Variants in LRRTM3 observed in about 807,000 individuals in gnomAD.
The protein encoded by LRRTM3 is leucine-rich repeat transmembrane neuronal protein 3.
In LRRTM3, 24 loss-of-function variants were observed where a neutral mutation model predicts 44.7. That is an observed-to-expected ratio of 0.54 (90% CI 0.39 to 0.76). LRRTM3 has a LOEUF of 0.76. Ranked by LOEUF, LRRTM3 falls within the 30% of genes least tolerant of loss-of-function variation. The probability of loss-of-function intolerance (pLI) is 0.00; values close to 1 mark genes in which losing one functional copy is unlikely to be tolerated. For synonymous variants in LRRTM3, 277 were observed against 278.7 expected (o/e 0.99, Z 0.06); for missense variants, 587 against 702.2 (o/e 0.84, Z 1.85).
chr10:66,932,117 C>A (rs1329517505), intron 2 of LRRTM3, among the ~76,000 whole-genome samples: 2 of 152,114 alleles, frequency 1.3e-5, no homozygotes, highest in Admixed American at 6.6e-5. Context: ...CTCCCTCCCC[C>A]TTTTCAGCCA....
At chr10:67,035,837 C>G (rs1439809765) in intron 2 of LRRTM3, among the ~76,000 whole-genome samples, 1 of 152,126 alleles carries the variant, frequency 6.6e-6, no homozygotes, top group East Asian at 1.9e-4. Context: ...CTGCATTTTA[C>G]AAAGAAACTG....
At chr10:67,064,920 G>A (rs1032852703) in intron 2 of LRRTM3, among the ~76,000 whole-genome samples, 1 of 152,100 alleles carries the variant, frequency 6.6e-6, no homozygotes, top group Non-Finnish European at 1.5e-5. Context: ...GTTATATGAG[G>A]CAAGAAGAAC....
At chr10:67,094,262 T>G (rs899711353) in intron 2 of LRRTM3, among the ~76,000 whole-genome samples, 1 of 151,906 alleles carries the variant, frequency 6.6e-6, no homozygotes, top group African/African-American at 2.4e-5. Flanking sequence ...TAAGAATCAT[T>G]GGGTTCCTAA....
At chr10:67,077,941 T>C (rs1856819094) in intron 2 of LRRTM3, among the ~76,000 whole-genome samples, 1 of 152,204 alleles carries the variant, frequency 6.6e-6, no homozygotes, top group African/African-American at 2.4e-5. Context: ...AGAATATAAG[T>C]GATTTACAAC....
intron 2 of LRRTM3, among the ~76,000 whole-genome samples, chr10:67,026,937 G>T (rs1853427434): frequency 6.6e-6 from 1 of 152,206 alleles, no homozygotes; most frequent in Non-Finnish European, 1.5e-5. Flanking sequence ...TTAGAAGAGG[G>T]ATCATGCCTT....
intron 2 of LRRTM3, among the ~76,000 whole-genome samples, chr10:67,010,403 A>G (rs1852244265): frequency 6.6e-6 from 1 of 152,216 alleles, no homozygotes; most frequent in African/African-American, 2.4e-5. Context: ...TTGAAAATAA[A>G]AAGTCAGGAA....
At chr10:66,967,829 C>G (rs147345928) in intron 2 of LRRTM3, among the ~76,000 whole-genome samples, 108 of 152,008 alleles carry the variant, frequency 7.1e-4, no homozygotes, top group Middle Eastern at 3.4e-3. Flanking sequence ...TATATCCCCT[C>G]GAAAGGTTCA....
chr10:66,978,552 A>AAATAAAAAAATAAAAAAATATATATAT, intron 2 of LRRTM3, among the ~76,000 whole-genome samples: 1 of 37,866 alleles, frequency 2.6e-5, no homozygotes, highest in Non-Finnish European at 4.8e-5. Context: ...AAAAAAAAAA[A>AAATAAAAAAATAAAAAAATATATATAT]ATATATATAT....
At chr10:67,030,731 T>C (rs1853665711) in intron 2 of LRRTM3, among the ~76,000 whole-genome samples, 2 of 152,084 alleles carry the variant, frequency 1.3e-5, no homozygotes, top group Non-Finnish European at 2.9e-5. Context: ...ACCGGTCAGA[T>C]GCGGTGGCTC....
chr10:66,945,573 T>C (rs1484052225), intron 2 of LRRTM3, among the ~76,000 whole-genome samples: 1 of 152,224 alleles, frequency 6.6e-6, no homozygotes, highest in Non-Finnish European at 1.5e-5. Flanking sequence ...TTATCATTCA[T>C]GTGTTCACTG....
chr10:66,938,620 G>C (rs976975072), intron 2 of LRRTM3, among the ~76,000 whole-genome samples: 1 of 152,124 alleles, frequency 6.6e-6, no homozygotes, highest in Admixed American at 6.6e-5. Flanking sequence ...GATAATCCAC[G>C]TGTGAGTAGA....
At chr10:66,926,674 T>G in intron 1 of LRRTM3, 87 bp downstream of exon 1, 1 of 1,450,454 alleles carries the variant, frequency 6.9e-7, no homozygotes, top group South Asian at 1.2e-5. Context: ...CTTAATTATT[T>G]TAGAGATTAC....
chr10:66,936,319 T>A (rs974060587), intron 2 of LRRTM3, among the ~76,000 whole-genome samples: 1 of 149,932 alleles, frequency 6.7e-6, no homozygotes, highest in African/African-American at 2.4e-5. Flanking sequence ...TTCTTAATGT[T>A]AAAAAAAAAA....
chr10:67,085,427 T>C (rs747483597), intron 2 of LRRTM3, among the ~76,000 whole-genome samples: 3 of 151,576 alleles, frequency 2.0e-5, no homozygotes, highest in African/African-American at 4.8e-5. Context: ...GTAAAAAACA[T>C]AGGTAAGACA....
chr10:67,027,272 G>C (rs1589625612), intron 2 of LRRTM3, among the ~76,000 whole-genome samples: 2 of 152,096 alleles, frequency 1.3e-5, no homozygotes, highest in Non-Finnish European at 2.9e-5. Flanking sequence ...GAGTCACCTA[G>C]ATCTTTTTAA....
intron 2 of LRRTM3, among the ~76,000 whole-genome samples, chr10:66,978,913 T>C (rs1850239653): frequency 6.7e-6 from 1 of 150,364 alleles, no homozygotes; most frequent in Non-Finnish European, 1.5e-5. Context: ...AAATCTTGAC[T>C]AGCGACAAGT....
chr10:66,969,796 G>C (rs1249464025), intron 2 of LRRTM3, among the ~76,000 whole-genome samples: 2 of 152,098 alleles, frequency 1.3e-5, no homozygotes, highest in Non-Finnish European at 2.9e-5. Flanking sequence ...CATTTGAGGA[G>C]AAAAGCTGCC....
chr10:66,957,407 T>C (rs77254143), intron 2 of LRRTM3, among the ~76,000 whole-genome samples: 1 of 29,804 alleles, frequency 3.4e-5, no homozygotes, highest in Non-Finnish European at 6.3e-5. Flanking sequence ...TATATATATA[T>C]ATATATGCAT....
chr10:66,936,251 A>T (rs900140645), intron 2 of LRRTM3, among the ~76,000 whole-genome samples: 2 of 152,160 alleles, frequency 1.3e-5, no homozygotes, highest in Non-Finnish European at 2.9e-5. Flanking sequence ...AGCTAGATAT[A>T]GACGAAAAGA....
Sources: allele counts gnomAD v4.1 joint callset (sites outside exome capture counted in the v4.1 genomes callset), GRCh38; gene constraint gnomAD v4.1.1; transcripts MANE v1.5; gene names NCBI Gene and HGNC (gene_info 2026-07-23, HGNC 2026-07-21).